Variants in ADAMTSL1 observed in about 807,000 individuals in gnomAD.
ADAMTSL1 encodes ADAMTS-like protein 1.
Under a neutral mutation model 201.8 loss-of-function variants are expected in ADAMTSL1, and 126 were observed. The ratio of observed to expected loss-of-function variants is 0.62; its 90% confidence interval spans 0.54 to 0.72. The LOEUF (loss-of-function observed/expected upper bound fraction) is 0.72, where lower values mean the gene tolerates loss of function less well. Ranked by LOEUF, ADAMTSL1 falls within the 30% of genes least tolerant of loss-of-function variation. ADAMTSL1 has a pLI of 0.00. For missense variants in ADAMTSL1, 2,679 were observed against 2,277.8 expected, an observed-to-expected ratio of 1.18 and a Z score of -3.59; for synonymous variants, 1,121 against 903.4, an observed-to-expected ratio of 1.24 and a Z score of -4.32.
At chr9:18,023,471 A>T (rs145815107) in intron 1 of ADAMTSL1, among the ~76,000 whole-genome samples, 2 of 152,260 alleles carry the variant, frequency 1.3e-5, no homozygotes, top group African/African-American at 4.8e-5. Context: ...TCTGCATATG[A>T]CCAGATGGGG....
chr9:18,899,572 G>A (rs1425566604), intron 26 of ADAMTSL1, among the ~76,000 whole-genome samples: 1 of 152,078 alleles, frequency 6.6e-6, no homozygotes, highest in Non-Finnish European at 1.5e-5. Context: ...AAATAGGAGG[G>A]TACCGGTATA....
intron 2 of ADAMTSL1, among the ~76,000 whole-genome samples, chr9:18,394,849 T>A (rs1817687230): frequency 6.6e-6 from 1 of 152,198 alleles, no homozygotes; most frequent in Non-Finnish European, 1.5e-5. Flanking sequence ...ATCAGCTTTT[T>A]TGCCAAGAGA....
chr9:18,165,044 G>T (rs187791052), intron 2 of ADAMTSL1, among the ~76,000 whole-genome samples: 55 of 150,716 alleles, frequency 3.6e-4, no homozygotes, highest in African/African-American at 8.3e-4. Flanking sequence ...TCATATATTG[G>T]TTTTTTTTTC....
chr9:18,553,841 A>T (rs1263197057), intron 3 of ADAMTSL1, among the ~76,000 whole-genome samples: 3 of 151,670 alleles, frequency 2.0e-5, no homozygotes, highest in Non-Finnish European at 4.4e-5. Flanking sequence ...TCTTTTATTT[A>T]TTGTTGGTGT....
intron 2 of ADAMTSL1, among the ~76,000 whole-genome samples, chr9:18,455,873 C>T (rs1266628829): frequency 6.6e-6 from 1 of 151,190 alleles, no homozygotes; most frequent in African/African-American, 2.4e-5. Context: ...TGTTAATAGC[C>T]CCCATTTTAC....
chr9:18,140,208 C>G (rs936835507), intron 1 of ADAMTSL1, among the ~76,000 whole-genome samples: 1 of 151,976 alleles, frequency 6.6e-6, no homozygotes, highest in Admixed American at 6.6e-5. Context: ...TAAAAGAAGC[C>G]ATTGAAGTGG....
chr9:18,127,681 C>T (rs12347507), intron 1 of ADAMTSL1, among the ~76,000 whole-genome samples: 41,696 of 151,954 alleles, frequency 0.27, 5,932 homozygotes, highest in Admixed American at 0.38. Flanking sequence ...AAGGAGTCTT[C>T]GCTGTCAGCA....
intron 1 of ADAMTSL1, among the ~76,000 whole-genome samples, chr9:18,073,541 C>T (rs1025591060): frequency 1.3e-5 from 2 of 152,084 alleles, no homozygotes; most frequent in Non-Finnish European, 2.9e-5. Context: ...GGGTGGGGTC[C>T]ATTGTGTATG....
At chr9:18,265,334 G>T (rs962968288) in intron 2 of ADAMTSL1, among the ~76,000 whole-genome samples, 8 of 151,938 alleles carry the variant, frequency 5.3e-5, no homozygotes, top group African/African-American at 9.7e-5. Context: ...CATCTTCTTG[G>T]TGAGGCCCAT....
intron 2 of ADAMTSL1, among the ~76,000 whole-genome samples, chr9:18,233,502 C>T (rs543841436): frequency 4.1e-4 from 63 of 152,154 alleles, no homozygotes; most frequent in Admixed American, 1.8e-3. Context: ...TCTAATATAT[C>T]GGATGCCTGC....
intron 4 of ADAMTSL1, among the ~76,000 whole-genome samples, chr9:18,590,506 A>G (rs1823839143): frequency 2.6e-5 from 4 of 151,828 alleles, no homozygotes; most frequent in Non-Finnish European, 5.9e-5. Flanking sequence ...TTTTAGTCTC[A>G]ATTTCATTTA....
intron 2 of ADAMTSL1, among the ~76,000 whole-genome samples, chr9:18,333,456 A>G (rs1835111067): frequency 6.6e-6 from 1 of 152,150 alleles, no homozygotes; most frequent in Non-Finnish European, 1.5e-5. Flanking sequence ...GCCATGTGGA[A>G]TTGTGAGTCA....
At chr9:18,122,292 C>T (rs911952417) in intron 1 of ADAMTSL1, among the ~76,000 whole-genome samples, 1 of 152,138 alleles carries the variant, frequency 6.6e-6, no homozygotes, top group Non-Finnish European at 1.5e-5. Flanking sequence ...TGAATAGATA[C>T]ACCATGTGGT....
intron 2 of ADAMTSL1, among the ~76,000 whole-genome samples, chr9:18,417,244 A>C (rs1029703810): frequency 2.6e-5 from 4 of 151,904 alleles, no homozygotes; most frequent in African/African-American, 9.7e-5. Flanking sequence ...ATTACTTGAG[A>C]GGGGGAATTT....
intron 1 of ADAMTSL1, among the ~76,000 whole-genome samples, chr9:17,996,258 G>A (rs531282675): frequency 1.3e-5 from 2 of 151,530 alleles, no homozygotes; most frequent in East Asian, 3.9e-4. Flanking sequence ...TTCATTAAAA[G>A]AACAACCGCT....
chr9:18,045,981 A>G (rs1392710707), intron 1 of ADAMTSL1, among the ~76,000 whole-genome samples: 5 of 152,234 alleles, frequency 3.3e-5, no homozygotes, highest in Non-Finnish European at 7.3e-5. Context: ...TAATTAAAAT[A>G]TAAAGTACTG....
At chr9:18,533,024 C>A (rs1819539493) in intron 2 of ADAMTSL1, among the ~76,000 whole-genome samples, 3 of 151,808 alleles carry the variant, frequency 2.0e-5, no homozygotes, top group Non-Finnish European at 4.4e-5. Context: ...ATTTTTGAAA[C>A]AAGATAAATA....
intron 26 of ADAMTSL1, among the ~76,000 whole-genome samples, chr9:18,901,327 C>G (rs4320629): frequency 0.53 from 80,289 of 151,848 alleles, 21,491 homozygotes; most frequent in East Asian, 0.64. Context: ...TAAAAAGATG[C>G]TAGTTAACTC....
At chr9:18,600,099 A>T (rs1824538282) in intron 4 of ADAMTSL1, among the ~76,000 whole-genome samples, 1 of 151,560 alleles carries the variant, frequency 6.6e-6, no homozygotes, top group African/African-American at 2.4e-5. Context: ...CTGCCTTGAG[A>T]TGCTGCATAC....
Sources: allele counts gnomAD v4.1 joint callset (sites outside exome capture counted in the v4.1 genomes callset), GRCh38; gene constraint gnomAD v4.1.1; transcripts MANE v1.5; gene names NCBI Gene and HGNC (gene_info 2026-07-23, HGNC 2026-07-21).